Variants in MMUT observed in about 807,000 individuals in gnomAD.
MMUT encodes the protein methylmalonyl-CoA mutase, also known as methylmalonyl-CoA mutase, mitochondrial.
Under a neutral mutation model 79.9 loss-of-function variants are expected in MMUT, and 79 were observed. That is an observed-to-expected ratio of 0.99 (90% CI 0.82 to 1.19). The LOEUF (loss-of-function observed/expected upper bound fraction) is 1.19. MMUT is among the 50% of genes most tolerant of loss of function. The pLI, the probability that MMUT is intolerant of heterozygous loss-of-function variation, is 0.00. For synonymous variants in MMUT, 273 were observed against 295.7 expected (o/e 0.92, Z 0.79); for missense variants, 860 against 917.2 (o/e 0.94, Z 0.81).
chr6:49,438,956 T>C lies in MMUT; in HGVS notation c.1956+1250A>G, dbSNP rs189527349. ...TGCTCCTCAGCCTGCAGAAGACCTA[T>C]TGTGGGACCTTGTGATCATGTGAGT... On this transcript the variant is annotated intron_variant, in intron 11 of 12. Coordinates refer to ENST00000274813, the MANE Select transcript of MMUT (RefSeq NM_000255.4). Among the ~76,000 whole-genome samples the C allele has an allele frequency of 1.4e-3, 211 of 152,236 alleles. 1 individual carries two copies. Among genetic ancestry groups the C allele is most frequent in the Non-Finnish European group, 4.4e-4 (30 of 68,022 alleles).
chr6:49,459,823 A>G (rs1767796412), intron 1 of MMUT, among the ~76,000 whole-genome samples: 2 of 152,168 alleles, frequency 1.3e-5, no homozygotes, highest in Admixed American at 6.5e-5. Context: ...CACACTCCTC[A>G]TGGAATTTTT....
intron 2 of MMUT, 107 bp downstream of exon 2, chr6:49,458,975 A>G (rs1767762913): frequency 1.3e-5 from 15 of 1,173,784 alleles, no homozygotes; most frequent in Non-Finnish European, 1.8e-5. Flanking sequence ...CTTTAACTAC[A>G]AAATTATAGA....
At chr6:49,455,107 T>G (rs568746725) in intron 4 of MMUT, among the ~76,000 whole-genome samples, 1 of 151,914 alleles carries the variant, frequency 6.6e-6, no homozygotes, top group South Asian at 2.1e-4. Flanking sequence ...ACATTTCTTA[T>G]GAAAAATAAG....
In MMUT at chr6:49,440,206, C is replaced by T; in HGVS notation, c.1956G>A (p.Gln652=). ...GFDVDIGPLF[Q]TPREVAQQAV... ...AATTCCCCCCAACAGTTTTTAGTAC[C>T]TGGAAAAGAGGGCCTATGTCCACAT... The change falls in exon 11 of 13, where the codon CAG becomes CAA. Residue 652 remains glutamine, a splice_region_variant and synonymous_variant. Coordinates refer to ENST00000274813, the MANE Select transcript of MMUT (RefSeq NM_000255.4). The T allele has an allele frequency of 6.2e-7, 1 of 1,613,972 alleles. No homozygotes were observed. The highest frequency in any genetic ancestry group is 8.5e-7 in the Non-Finnish European group (1 of 1,179,906).
At position 49,444,721 on chromosome 6, in the gene MMUT, G is replaced by A. The variant is rs764985110; in HGVS notation, c.1594C>T (p.Arg532Cys). 18 of 1,613,164 alleles carry A rather than the reference G, an allele frequency of 1.1e-5. No homozygotes were observed. In the African/African-American group the frequency reaches 1.5e-4, roughly 13 times the overall value. Residue 532 changes from arginine (R) to cysteine (C), a missense_variant, in exon 9 of 13, where the codon CGT becomes TGT. Coordinates refer to ENST00000274813, the MANE Select transcript of MMUT (RefSeq NM_000255.4). ...CATTCGGTTAGTGCAGCAAGACAAC[G>A]TTCAGCCAAAGCTTGATCCCTGCTG... ...KSSRDQALAERCLAALTECAA... is the reference protein window; with the variant it reads ...KSSRDQALAECCLAALTECAA...
chr6:49,461,838 C>T (rs1316757311), intron 1 of MMUT, among the ~76,000 whole-genome samples: 1 of 152,122 alleles, frequency 6.6e-6, no homozygotes, highest in Non-Finnish European at 1.5e-5. Flanking sequence ...TCCATGGGGT[C>T]CTTGTCATCC....
intron 11 of MMUT, 86 bp from the exon 12 acceptor site, chr6:49,435,709 A>G: frequency 7.2e-7 from 1 of 1,383,218 alleles, no homozygotes; most frequent in Non-Finnish European, 9.9e-7. Flanking sequence ...AGGCAATACC[A>G]TTCAGAACAT....
chr6:49,442,992 T>G (rs1408393078), intron 9 of MMUT, among the ~76,000 whole-genome samples: 1 of 152,096 alleles, frequency 6.6e-6, no homozygotes, highest in Non-Finnish European at 1.5e-5. Context: ...TACATACAAG[T>G]TATACTATAC....
intron 5 of MMUT, 68 bp downstream of exon 5, chr6:49,453,517 C>T: frequency 2.6e-6 from 2 of 782,712 alleles, no homozygotes; most frequent in Non-Finnish European, 3.7e-6. Flanking sequence ...CTGCTTGTGC[C>T]ACATTGCTCA....
At chr6:49,444,605 G>A (rs777199774) in intron 9 of MMUT, 34 bp downstream of exon 9, 4 of 1,566,226 alleles carry the variant, frequency 2.6e-6, no homozygotes, top group Non-Finnish European at 2.6e-6. Context: ...TCAACTTTTA[G>A]TCTTTGGAAA....
intron 12 of MMUT, 95 bp from the exon 13 acceptor site, chr6:49,431,951 A>C (rs1236766258): frequency 7.1e-7 from 1 of 1,413,728 alleles, no homozygotes; most frequent in Non-Finnish European, 9.9e-7. Flanking sequence ...CAATTACCCA[A>C]AACCTTCTCA....
chr6:49,444,879 G>T, intron 8 of MMUT, 125 bp from the exon 9 acceptor site: 1 of 618,102 alleles, frequency 1.6e-6, no homozygotes, highest in Non-Finnish European at 2.8e-6. Flanking sequence ...AAATTTAAGA[G>T]GAAAAAATTG....
chr6:49,460,317 G>A (rs1767808291), intron 1 of MMUT, among the ~76,000 whole-genome samples: 1 of 152,132 alleles, frequency 6.6e-6, no homozygotes, highest in Admixed American at 6.5e-5. Context: ...AGGCACAGAA[G>A]AGCCAGCATT....
At chr6:49,448,677 T>C (rs1767471631) in intron 7 of MMUT, 139 bp downstream of exon 7, 1 of 691,020 alleles carries the variant, frequency 1.4e-6, no homozygotes. Flanking sequence ...TATAGATAGA[T>C]ACAAGTATAT....
rs1766958862 is a variant in MMUT, at chr6:49,431,035, T to G, written c.*693A>C. 6.6e-6 allele frequency: 1 copy of G among 152,230 alleles called. No individual in the cohort carries two copies. Among genetic ancestry groups the G allele is most frequent in the Non-Finnish European group, 1.5e-5 (1 of 68,064 alleles). 9.4% of individuals were successfully genotyped at this position (152,230 alleles called of 1,614,324 possible). A position where few individuals can be genotyped will look rare whatever the true frequency, so the allele number is the denominator to read the frequency against. ...AGCCATAACTACAACCTAAGCACTT[T>G]TATTTAAAGGAATGTTCATCAACAT... On this transcript the variant is annotated 3_prime_UTR_variant, in exon 13 of 13. Coordinates refer to ENST00000274813, the MANE Select transcript of MMUT (RefSeq NM_000255.4).
chr6:49,435,547 T>C lies in MMUT; in HGVS notation c.2033A>G (p.His678Arg), dbSNP rs147094927. 3 of 1,614,052 alleles carry C rather than the reference T, an allele frequency of 1.9e-6. No individual in the cohort carries two copies. Among genetic ancestry groups the C allele is most frequent in the African/African-American group, 1.3e-5 (1 of 74,940 alleles). ...GATGAGTTCAGGAACTAGGGTTTTATGACCAGCAGCGAGGGTGCTTATGCC... is the reference window on the plus strand; with the variant it reads ...GATGAGTTCAGGAACTAGGGTTTTACGACCAGCAGCGAGGGTGCTTATGCC... The part of the protein sequence containing the change: ...AVGISTLAAG[H>R]KTLVPELIKE... The change falls in exon 12 of 13, where the codon CAT becomes CGT. Residue 678 changes from histidine (H) to arginine (R), a missense_variant. By Grantham distance (29) the His-to-Arg change is conservative (BLOSUM62 0). Coordinates refer to ENST00000274813, the MANE Select transcript of MMUT (RefSeq NM_000255.4).
intron 3 of MMUT, among the ~76,000 whole-genome samples, chr6:49,457,327 T>C (rs1475265330): frequency 6.6e-6 from 1 of 152,196 alleles, no homozygotes; most frequent in Non-Finnish European, 1.5e-5. Context: ...ATCTTCCAAT[T>C]CAGCTTTTAG....
Position 49,440,136 on chromosome 6 carries a change from T to A in MMUT, c.1956+70A>T, listed in dbSNP as rs1581821400. The A allele has an allele frequency of 2.5e-6, 4 of 1,578,162 alleles. No individual in the cohort carries two copies. The Admixed American group carries it at 6.7e-5, about 26-fold the overall frequency. ...TTAATTTGCTCAATGTCTGTCATCA[T>A]TTTACTACATTTTCTAAATGTAAGT... On this transcript the variant is annotated intron_variant, in intron 11 of 12. Transcript: ENST00000274813.
chr6:49,445,818 T>C (rs1451993522), intron 8 of MMUT, among the ~76,000 whole-genome samples: 2 of 152,044 alleles, frequency 1.3e-5, no homozygotes, highest in Non-Finnish European at 2.9e-5. Context: ...GGTCCAACTA[T>C]ATTTAGAGCA....
Sources: gnomAD v4.1 joint callset for allele counts (sites outside exome capture counted in the v4.1 genomes callset) on GRCh38, gnomAD v4.1.1 for gene constraint, MANE v1.5 for transcripts, NCBI Gene and HGNC (gene_info 2026-07-23, HGNC 2026-07-21) for gene names.